The following MAN1C1 variants were observed in gnomAD, a reference collection of about 807,000 sequenced individuals.
MAN1C1 encodes the protein mannosyl-oligosaccharide 1,2-alpha-mannosidase IC.
MAN1C1 carries 49 observed loss-of-function variants against 71.5 expected under a neutral mutation model. That is an observed-to-expected ratio of 0.69 (90% CI 0.54 to 0.87). MAN1C1 has a LOEUF of 0.87. Ranked by LOEUF, MAN1C1 falls within the 40% of genes least tolerant of loss-of-function variation. The pLI is 0.00. For synonymous variants in MAN1C1, 352 were observed against 343.7 expected (o/e 1.02, Z -0.27); for missense variants, 743 against 835.0 (o/e 0.89, Z 1.36).
chr1:25,671,728 A>T (rs1382267937), intron 1 of MAN1C1, among the ~76,000 whole-genome samples: 3 of 152,210 alleles, frequency 2.0e-5, no homozygotes, highest in Non-Finnish European at 4.4e-5. Flanking sequence ...TTGCTCTAGT[A>T]ACAAATCACA....
intron 8 of MAN1C1, among the ~76,000 whole-genome samples, chr1:25,777,831 G>A (rs1220891988): frequency 1.3e-5 from 2 of 152,070 alleles, no homozygotes; most frequent in East Asian, 1.9e-4. Flanking sequence ...ATTTTTTAAC[G>A]TTTTTTAAAA....
chr1:25,692,894 A>C (rs1188594715), intron 2 of MAN1C1, among the ~76,000 whole-genome samples: 1 of 152,196 alleles, frequency 6.6e-6, no homozygotes, highest in Non-Finnish European at 1.5e-5. Context: ...GTCGAACAGA[A>C]GACTCAGATT....
intron 6 of MAN1C1, among the ~76,000 whole-genome samples, chr1:25,762,870 C>T (rs1299944275): frequency 6.6e-6 from 1 of 152,152 alleles, no homozygotes; most frequent in Non-Finnish European, 1.5e-5. Flanking sequence ...TGTATATATA[C>T]CCAATAGTGG....
intron 2 of MAN1C1, among the ~76,000 whole-genome samples, chr1:25,741,364 CT>C (rs1159339018): frequency 6.6e-6 from 1 of 152,152 alleles, no homozygotes. Flanking sequence ...GCACCCCAGT[CT>C]TTAGAGGTCT....
chr1:25,632,207 TTC>T (rs1321461021), intron 1 of MAN1C1, among the ~76,000 whole-genome samples: 19 of 152,220 alleles, frequency 1.2e-4, no homozygotes, highest in African/African-American at 3.9e-4. Context: ...TGTTAAGGGT[TTC>T]TGTTTCTTCC....
chr1:25,732,887 T>C (rs1249200317), intron 2 of MAN1C1, among the ~76,000 whole-genome samples: 1 of 152,240 alleles, frequency 6.6e-6, no homozygotes, highest in Admixed American at 6.5e-5. Flanking sequence ...ATTAATCTTG[T>C]TATCAGAGCC....
At chr1:25,686,638 G>C in intron 2 of MAN1C1, 102 bp downstream of exon 2, 2 of 940,226 alleles carry the variant, frequency 2.1e-6, no homozygotes, top group Non-Finnish European at 3.4e-6. Flanking sequence ...AGCTGTGGGG[G>C]CTCCACAGTT....
chr1:25,694,449 C>G (rs909379093), intron 2 of MAN1C1, among the ~76,000 whole-genome samples: 7 of 152,096 alleles, frequency 4.6e-5, no homozygotes, highest in African/African-American at 1.7e-4. Flanking sequence ...GATTTATGGC[C>G]TTGGGTGAGT....
At position 25,782,397 on chromosome 1, in the gene MAN1C1, G is replaced by A; in HGVS notation, c.1651-188G>A. On this transcript the variant is annotated intron_variant, in intron 10 of 11. Coordinates refer to ENST00000374332, the MANE Select transcript of MAN1C1 (RefSeq NM_020379.4). This position sits in a 1 kb window ranked among gnomAD's most constrained non-coding sequence, Gnocchi z 4.4. The stretch of plus-strand genomic sequence containing the variant: ...AGGAGTGTGGCCCCTCCAGCCTGGG[G>A]ACAGGTGGCTAAACCCCGAAAGAAT... 6.6e-6 allele frequency among the ~76,000 whole-genome samples: 1 copy of A among 152,122 alleles called. No homozygotes were observed. Among genetic ancestry groups the A allele is most frequent in the South Asian group, 2.1e-4 (1 of 4,828 alleles).
Position 25,676,045 on chromosome 1 carries a change from G to A in MAN1C1, c.541-10395G>A, listed in dbSNP as rs1272465066. Among the ~76,000 whole-genome samples, 5 of 152,138 alleles carry A rather than the reference G, an allele frequency of 3.3e-5. 1 individual carries two copies. Among genetic ancestry groups the A allele is most frequent in the South Asian group, 4.2e-4 (2 of 4,818 alleles). On this transcript the variant is annotated intron_variant, in intron 1 of 11. Transcript: ENST00000374332. Reference sequence around the variant, plus strand: ...GGAACTGAGGTACTCTGTTTCTGACGTGCCCCCTGGGTGGCCCTACTCCTG... The same window carrying A: ...GGAACTGAGGTACTCTGTTTCTGACATGCCCCCTGGGTGGCCCTACTCCTG...
rs2046951592 is a variant in MAN1C1 at position 25,734,289 on chromosome 1, C to T, written c.638-12379C>T. 2.6e-5 allele frequency among the ~76,000 whole-genome samples: 4 copies of T among 151,700 alleles called. No individual in the cohort carries two copies. In the South Asian group the frequency reaches 6.2e-4, roughly 24 times the overall value. On this transcript the variant is annotated intron_variant, in intron 2 of 11. Coordinates refer to ENST00000374332, the MANE Select transcript of MAN1C1 (RefSeq NM_020379.4). Reference sequence around the variant, plus strand: ...GACTACAGGTGTGCACCACCATGCCCAGCTGACTTTTGTATTTTTAGTAGA... The same window carrying T: ...GACTACAGGTGTGCACCACCATGCCTAGCTGACTTTTGTATTTTTAGTAGA...
intron 4 of MAN1C1, among the ~76,000 whole-genome samples, chr1:25,749,727 A>T (rs546551745): frequency 6.6e-6 from 1 of 152,184 alleles, no homozygotes; most frequent in African/African-American, 2.4e-5. Flanking sequence ...TCCATACATC[A>T]TCCACTCAGA....
Position 25,719,051 on chromosome 1 carries a change from CTTATTA to C in MAN1C1, c.638-27584_638-27579del, listed in dbSNP as rs34993782. On this transcript the variant is annotated intron_variant, in intron 2 of 11. Coordinates refer to ENST00000374332, the MANE Select transcript of MAN1C1 (RefSeq NM_020379.4). Reference sequence around the variant, plus strand: ...CCATTTTCTCTATATCTTTCCAATGCTTATTATTATTATTATTATTATTATTATTAT... The same window carrying C: ...CCATTTTCTCTATATCTTTCCAATGCTTATTATTATTATTATTATTATTAT... 2.4e-3 allele frequency among the ~76,000 whole-genome samples: 345 copies of C among 143,884 alleles called. 2 individuals carry two copies. Among genetic ancestry groups the C allele is most frequent in the East Asian group, 0.022 (109 of 4,980 alleles). 94.4% of individuals were successfully genotyped at this position (143,884 alleles called of 152,430 possible).
chr1:25,658,243 C>T (rs1413972190), intron 1 of MAN1C1, among the ~76,000 whole-genome samples: 1 of 152,196 alleles, frequency 6.6e-6, no homozygotes, highest in Non-Finnish European at 1.5e-5. Flanking sequence ...TGTTAAACAG[C>T]GTGCCCAGAG....
chr1:25,741,182 A>G (rs1189239577), intron 2 of MAN1C1, among the ~76,000 whole-genome samples: 1 of 151,538 alleles, frequency 6.6e-6, no homozygotes, highest in South Asian at 2.1e-4. Flanking sequence ...GGGTTTCACT[A>G]TGTTGGCCAG....
chr1:25,672,405 CTGGGCA>C (rs1212480143), intron 1 of MAN1C1, among the ~76,000 whole-genome samples: 1 of 152,214 alleles, frequency 6.6e-6, no homozygotes, highest in Non-Finnish European at 1.5e-5. Flanking sequence ...TCCCAGCTAT[CTGGGCA>C]TCCCTTAGTG....
intron 2 of MAN1C1, among the ~76,000 whole-genome samples, chr1:25,707,297 C>T (rs1034131120): frequency 2.0e-5 from 3 of 152,290 alleles, no homozygotes; most frequent in East Asian, 3.9e-4. Context: ...CTGGACTTAC[C>T]GTCAAGCTGC....
intron 1 of MAN1C1, among the ~76,000 whole-genome samples, chr1:25,666,620 C>A (rs2045927995): frequency 6.6e-6 from 1 of 152,170 alleles, no homozygotes; most frequent in Admixed American, 6.5e-5. Context: ...ACCCCACTCC[C>A]CCCACCACTG....
intron 2 of MAN1C1, among the ~76,000 whole-genome samples, chr1:25,710,473 TG>T: frequency 6.6e-6 from 1 of 152,238 alleles, no homozygotes; most frequent in Non-Finnish European, 1.5e-5. Flanking sequence ...TAATAATAGT[TG>T]CTAACATTTA....
Sources: gnomAD v4.1 joint callset for allele counts (sites outside exome capture counted in the v4.1 genomes callset) on GRCh38, gnomAD v4.1.1 for gene constraint, Gnocchi (gnomAD v3.1) non-coding constraint, MANE v1.5 for transcripts, NCBI Gene and HGNC (gene_info 2026-07-23, HGNC 2026-07-21) for gene names.